Variants in RAD50 observed in about 807,000 individuals in gnomAD.
RAD50 encodes RAD50 double strand break repair protein.
Under a neutral mutation model 168.8 loss-of-function variants are expected in RAD50, and 132 were observed. The ratio of observed to expected loss-of-function variants is 0.78; its 90% CI spans 0.68 to 0.90. The LOEUF (loss-of-function observed/expected upper bound fraction) is 0.90, where lower values mean the gene tolerates loss of function less well. Among genes scored for constraint, RAD50 ranks in the 40% least tolerant of loss-of-function variants. The probability of loss-of-function intolerance (pLI) is 0.00; values close to 1 mark genes in which losing one functional copy is unlikely to be tolerated. For synonymous variants in RAD50, 525 were observed against 497.4 expected (o/e 1.06, Z -0.74); for missense variants, 1,347 against 1,534.4 (o/e 0.88, Z 2.04).
chr5:132,580,959 TA>T (rs1561636609), intron 5 of RAD50, among the ~76,000 whole-genome samples: 1 of 151,918 alleles, frequency 6.6e-6, no homozygotes, highest in Non-Finnish European at 1.5e-5. Context: ...AAGTAGAAAA[TA>T]TATATATATT....
rs1750664962 is a variant in RAD50 at position 132,589,758 on chromosome 5, A to G, written c.1373A>G (p.Lys458Arg). 1 of 1,613,810 alleles carries G rather than the reference A, an allele frequency of 6.2e-7. No individual in the cohort carries two copies. The highest frequency in any genetic ancestry group is 1.3e-5 in the African/African-American group (1 of 75,042). ...EILSKKQNEL[K>R]NVKYELQQLE... ...CTAAGTAAGAAGCAGAATGAGCTGA[A>G]AAATGTGAAGTATGAATTACAGCAG... is the stretch of plus-strand genomic sequence containing the variant. The change falls in exon 9 of 25, where the codon AAA (lysine) becomes AGA (arginine). Residue 458 changes from lysine (K) to arginine (R), a missense_variant. Lys to Arg is a conservative substitution (Grantham distance 26). Coordinates refer to ENST00000378823, the MANE Select transcript of RAD50 (RefSeq NM_005732.4).
chr5:132,632,842 G>C (rs1164057055), intron 21 of RAD50, among the ~76,000 whole-genome samples: 1 of 151,994 alleles, frequency 6.6e-6, no homozygotes, highest in Non-Finnish European at 1.5e-5. Flanking sequence ...CATTTTATTG[G>C]CTGCACAAAA....
At chr5:132,628,053 C>T (rs1405797444) in intron 21 of RAD50, among the ~76,000 whole-genome samples, 1 of 152,194 alleles carries the variant, frequency 6.6e-6, no homozygotes, top group African/African-American at 2.4e-5. Flanking sequence ...AACAGGTTGC[C>T]ATTCCCTAAA....
intron 1 of RAD50, among the ~76,000 whole-genome samples, chr5:132,558,718 CAAAAAAAAAAAAAAA>C: frequency 1.3e-5 from 1 of 75,792 alleles, no homozygotes; most frequent in Middle Eastern, 9.4e-3. Flanking sequence ...TCTCCCCCCA[CAAAAAAAAAAAAAAA>C]AAAAAAAAAG....
chr5:132,581,983 G>T (rs1223343045), intron 5 of RAD50, among the ~76,000 whole-genome samples: 1 of 152,146 alleles, frequency 6.6e-6, no homozygotes, highest in East Asian at 1.9e-4. Flanking sequence ...AAGACCTGTA[G>T]GAGCTCTGAG....
intron 5 of RAD50, among the ~76,000 whole-genome samples, chr5:132,583,975 G>A (rs1273865347): frequency 2.0e-5 from 3 of 152,114 alleles, no homozygotes; most frequent in African/African-American, 7.2e-5. Context: ...GGGATTACAG[G>A]TGTGAGCCAC....
chr5:132,586,135 A>G (rs1042327119), intron 5 of RAD50, among the ~76,000 whole-genome samples: 1 of 151,964 alleles, frequency 6.6e-6, no homozygotes, highest in African/African-American at 2.4e-5. Flanking sequence ...ACAATTAAGT[A>G]TATGCTTCAT....
intron 21 of RAD50, among the ~76,000 whole-genome samples, chr5:132,625,911 T>G (rs1306051689): frequency 6.6e-6 from 1 of 152,106 alleles, no homozygotes; most frequent in Non-Finnish European, 1.5e-5. Flanking sequence ...CAACTTTTTT[T>G]TTTTTTTGAG....
At chr5:132,575,285 C>T (rs774338332) in intron 2 of RAD50, among the ~76,000 whole-genome samples, 10 of 152,282 alleles carry the variant, frequency 6.6e-5, no homozygotes, top group South Asian at 6.2e-4. Flanking sequence ...AGAGCTTGTG[C>T]GGGGAAACTC....
intron 21 of RAD50, among the ~76,000 whole-genome samples, chr5:132,636,537 G>T (rs1751584162): frequency 6.6e-6 from 1 of 152,076 alleles, no homozygotes; most frequent in East Asian, 1.9e-4. Flanking sequence ...GCTTCCAGTT[G>T]GTAAAAATCT....
intron 2 of RAD50, among the ~76,000 whole-genome samples, chr5:132,575,365 C>A (rs191535003): frequency 6.6e-6 from 1 of 152,160 alleles, no homozygotes; most frequent in African/African-American, 2.4e-5. Flanking sequence ...AAAGACCTGT[C>A]CCCATGATTC....
intron 5 of RAD50, among the ~76,000 whole-genome samples, chr5:132,580,783 A>G (rs1750490210): frequency 6.6e-6 from 1 of 152,180 alleles, no homozygotes; most frequent in Non-Finnish European, 1.5e-5. Flanking sequence ...AGAGGACTAC[A>G]ACTGCACCCC....
intron 2 of RAD50, among the ~76,000 whole-genome samples, chr5:132,568,569 A>G (rs2149834163): frequency 6.6e-6 from 1 of 152,348 alleles, no homozygotes; most frequent in Non-Finnish European, 1.5e-5. Context: ...AACTAAATAT[A>G]AAATCTTAAA....
intron 22 of RAD50, among the ~76,000 whole-genome samples, chr5:132,637,523 C>CT (rs1203291995): frequency 5.3e-5 from 7 of 131,244 alleles, no homozygotes; most frequent in African/African-American, 2.3e-4. Context: ...TTTTTTTTTT[C>CT]TTTTTCTTTT....
intron 2 of RAD50, among the ~76,000 whole-genome samples, chr5:132,560,051 T>TACACACAC (rs143575412): frequency 0.013 from 1,846 of 147,664 alleles, 34 homozygotes; most frequent in African/African-American, 0.044. Flanking sequence ...GAAACAACAA[T>TACACACAC]ACACACACAC....
At chr5:132,600,424 A>G (rs1234640324) in intron 13 of RAD50, among the ~76,000 whole-genome samples, 1 of 152,170 alleles carries the variant, frequency 6.6e-6, no homozygotes, top group Non-Finnish European at 1.5e-5. Flanking sequence ...TCTGAGACAT[A>G]TTTGACCTGA....
At chr5:132,619,811 T>TCTCTCTCTCTCTCTCTCTC (rs1751244006) in intron 21 of RAD50, among the ~76,000 whole-genome samples, 1 of 130,994 alleles carries the variant, frequency 7.6e-6, no homozygotes, top group African/African-American at 3.4e-5. Flanking sequence ...TCTCTCTCTC[T>TCTCTCTCTCTCTCTCTCTC]ACTCCTCTCT....
At chr5:132,576,483 A>G (rs1750402329) in intron 3 of RAD50, among the ~76,000 whole-genome samples, 1 of 152,222 alleles carries the variant, frequency 6.6e-6, no homozygotes, top group Admixed American at 6.5e-5. Flanking sequence ...TGAGCAAATT[A>G]CTTGACTATT....
Position 132,585,024 on chromosome 5 carries a change from A to G in RAD50, c.757-2538A>G, listed in dbSNP as rs531107705. ...AATGACGAGTTAATGGGTGCAGCAC[A>G]CCAACATGGCACATGTATACATATG... On this transcript the variant is annotated intron_variant, in intron 5 of 24. Transcript: ENST00000378823. 3.7e-4 allele frequency among the ~76,000 whole-genome samples: 57 copies of G among 152,216 alleles called. No individual in the cohort carries two copies. In the East Asian group the frequency reaches 9.8e-3, roughly 26 times the overall value.
Sources: allele counts gnomAD v4.1 joint callset (sites outside exome capture counted in the v4.1 genomes callset), GRCh38; gene constraint gnomAD v4.1.1; transcripts MANE v1.5; gene names NCBI Gene and HGNC (gene_info 2026-07-23, HGNC 2026-07-21).